Variants in MUSK observed in about 807,000 individuals in gnomAD.
MUSK encodes muscle, skeletal receptor tyrosine-protein kinase.
MUSK carries 55 observed loss-of-function variants against 88.7 expected under a neutral mutation model. The ratio of observed to expected loss-of-function variants is 0.62; its 90% CI spans 0.50 to 0.78. The LOEUF (loss-of-function observed/expected upper bound fraction) is 0.78, where lower values mean the gene tolerates loss of function less well. Ranked by LOEUF, MUSK falls within the 30% of genes least tolerant of loss-of-function variation. The pLI, the probability that MUSK is intolerant of heterozygous loss-of-function variation, is 0.00. For missense variants in MUSK, 1,015 were observed against 1,074.3 expected, an observed-to-expected ratio of 0.94 and a Z score of 0.77; for synonymous variants, 387 against 391.9, an observed-to-expected ratio of 0.99 and a Z score of 0.15.
intron 6 of MUSK, among the ~76,000 whole-genome samples, chr9:110,746,509 T>C (rs1440551262): frequency 6.6e-6 from 1 of 152,188 alleles, no homozygotes; most frequent in Non-Finnish European, 1.5e-5. Context: ...ATGCAAATTC[T>C]AACTATGCAA....
rs760483928 is a variant in MUSK at position 110,695,405 on chromosome 9, C to T, written c.361C>T (p.Pro121Ser). The T allele has an allele frequency of 2.5e-5, 38 of 1,496,490 alleles. No homozygotes were observed. Among genetic ancestry groups the T allele is most frequent in the Non-Finnish European group, 3.2e-5 (35 of 1,107,236 alleles). The allele number at this position is 1,496,490 out of a possible 1,614,324, so 92.7% of individuals were successfully genotyped here. A position where few individuals can be genotyped will look rare whatever the true frequency, so the allele number is the denominator to read the frequency against. ...TTTGAATTTTCATTTCTTTTTAGAACCTAAAATAACTCGTCCTCCCATAAA... is the reference window on the plus strand; with the variant it reads ...TTTGAATTTTCATTTCTTTTTAGAATCTAAAATAACTCGTCCTCCCATAAA... ...SCGALQVKMKPKITRPPINVK... is the reference protein window; with the variant it reads ...SCGALQVKMKSKITRPPINVK... Residue 121 changes from proline (P) to serine (S), a missense_variant and splice_region_variant, in exon 4 of 15, where the codon CCT (proline) becomes TCT (serine). By Grantham distance (74) the Pro-to-Ser change is moderately conservative (BLOSUM62 -1). Coordinates refer to ENST00000374448, the MANE Select transcript of MUSK (RefSeq NM_005592.4).
intron 4 of MUSK, 22 bp from the exon 5 acceptor site, chr9:110,697,303 T>C (rs372148404): frequency 3.2e-5 from 52 of 1,612,286 alleles, no homozygotes; most frequent in Admixed American, 5.0e-5. Context: ...CATTTTTGAA[T>C]TCACGTCCCT....
At chr9:110,705,819 C>A (rs1033085648) in intron 5 of MUSK, among the ~76,000 whole-genome samples, 1 of 152,190 alleles carries the variant, frequency 6.6e-6, no homozygotes, top group Non-Finnish European at 1.5e-5. Flanking sequence ...AAAGGTTAAG[C>A]CCTGTCTCAG....
intron 7 of MUSK, chr9:110,761,803 T>C (rs1039946891): frequency 3.1e-6 from 1 of 325,772 alleles, no homozygotes. Context: ...CTCGATCTCC[T>C]GACCTCATGA....
At chr9:110,690,202 A>ATAAATATATATTTAAG (rs1564219398) in intron 3 of MUSK, among the ~76,000 whole-genome samples, 1 of 105,224 alleles carries the variant, frequency 9.5e-6, no homozygotes, top group Non-Finnish European at 1.7e-5. Flanking sequence ...ATATAAATAT[A>ATAAATATATATTTAAG]TATAAATATA....
chr9:110,742,283 G>A (rs1050942086), intron 6 of MUSK, among the ~76,000 whole-genome samples: 15 of 151,948 alleles, frequency 9.9e-5, no homozygotes, highest in South Asian at 2.1e-4. Flanking sequence ...TGAAAACCTC[G>A]TATCTACTAA....
intron 3 of MUSK, among the ~76,000 whole-genome samples, chr9:110,688,802 T>C (rs1247276621): frequency 2.6e-5 from 4 of 151,826 alleles, no homozygotes; most frequent in African/African-American, 9.7e-5. Context: ...TTTCATTCCA[T>C]TTTATGGCTC....
At chr9:110,771,690 A>C in intron 9 of MUSK, among the ~76,000 whole-genome samples, 1 of 152,232 alleles carries the variant, frequency 6.6e-6, no homozygotes, top group East Asian at 1.9e-4. Flanking sequence ...ATTATAAAGC[A>C]ATTAATTTGA....
chr9:110,767,875 A>G lies in MUSK; in HGVS notation c.976A>G (p.Asn326Asp). The G allele has an allele frequency of 6.2e-7, 1 of 1,614,008 alleles. No individual in the cohort carries two copies. The highest frequency in any genetic ancestry group is 8.5e-7 in the Non-Finnish European group (1 of 1,179,876). ...CGCCCAGTACAGAGGGGAGGTGTGT[A>G]ATGCAGTCCTGGCAAAAGATGCTCT... ...YCAQYRGEVC[N>D]AVLAKDALVF... is the part of the protein sequence containing the mutation. The change falls in exon 9 of 15, where the codon AAT becomes GAT. Residue 326 changes from asparagine (N) to aspartate (D), a missense_variant. Transcript: ENST00000374448.
intron 1 of MUSK, among the ~76,000 whole-genome samples, chr9:110,677,317 A>G (rs1344905901): frequency 6.6e-6 from 1 of 152,194 alleles, no homozygotes; most frequent in Non-Finnish European, 1.5e-5. Flanking sequence ...CACCACTGCA[A>G]TCTGGCTTCC....
chr9:110,683,986 T>C (rs967973482), intron 2 of MUSK, among the ~76,000 whole-genome samples: 12 of 152,132 alleles, frequency 7.9e-5, no homozygotes, highest in African/African-American at 2.9e-4. Context: ...TTTAACTTGA[T>C]GTGATCCCAT....
intron 5 of MUSK, among the ~76,000 whole-genome samples, chr9:110,701,319 A>G (rs2076497418): frequency 6.6e-6 from 1 of 152,322 alleles, no homozygotes; most frequent in African/African-American, 2.4e-5. Context: ...GCAGAAAGCT[A>G]AATTCAAAGG....
intron 7 of MUSK, among the ~76,000 whole-genome samples, chr9:110,749,479 A>G (rs1290916216): frequency 6.6e-6 from 1 of 152,232 alleles, no homozygotes; most frequent in Non-Finnish European, 1.5e-5. Context: ...GGAGGTGGAA[A>G]GTGGAAACAA....
chr9:110,719,992 G>C (rs1399293527), intron 5 of MUSK, among the ~76,000 whole-genome samples: 2 of 152,016 alleles, frequency 1.3e-5, no homozygotes, highest in Non-Finnish European at 2.9e-5. Context: ...CTGAATGATT[G>C]TTGGGTCAAC....
rs547138037 is a variant in MUSK, at chr9:110,690,821, T to C, written c.358+3553T>C. On this transcript the variant is annotated intron_variant, in intron 3 of 14. Coordinates refer to ENST00000374448, the MANE Select transcript of MUSK (RefSeq NM_005592.4). ...ATATATATATTTAAATATAAGTATA[T>C]ATATAAATATATATAAATATAAGTA... Among the ~76,000 whole-genome samples, 68 of 124,230 alleles carry C rather than the reference T, an allele frequency of 5.5e-4. 2 individuals carry two copies. In the South Asian group the frequency reaches 0.012, roughly 22 times the overall value. 81.5% of individuals were successfully genotyped at this position (124,230 alleles called of 152,430 possible).
chr9:110,681,022 T>TAA (rs2076105633), intron 1 of MUSK, among the ~76,000 whole-genome samples: 5 of 20,634 alleles, frequency 2.4e-4, no homozygotes, highest in African/African-American at 4.2e-4. Flanking sequence ...ATAATATATA[T>TAA]TATATATTAT....
chr9:110,695,676 A>G (rs1349071986), intron 4 of MUSK, 146 bp downstream of exon 4: 1 of 684,410 alleles, frequency 1.5e-6, no homozygotes, highest in East Asian at 3.2e-5. Flanking sequence ...TTCTGTTTGC[A>G]TATATGCAAA....
At chr9:110,720,976 A>C (rs1208936658) in intron 5 of MUSK, among the ~76,000 whole-genome samples, 1 of 152,156 alleles carries the variant, frequency 6.6e-6, no homozygotes, top group African/African-American at 2.4e-5. Context: ...CATAAACAGA[A>C]TCAAAAACAA....
intron 9 of MUSK, among the ~76,000 whole-genome samples, chr9:110,770,924 G>T (rs1023429443): frequency 2.0e-5 from 3 of 151,700 alleles, no homozygotes; most frequent in African/African-American, 4.8e-5. Flanking sequence ...TTTAGAATTT[G>T]TACATTTTAG....
Sources: allele counts gnomAD v4.1 joint callset (sites outside exome capture counted in the v4.1 genomes callset), GRCh38; gene constraint gnomAD v4.1.1; transcripts MANE v1.5; gene names NCBI Gene and HGNC (gene_info 2026-07-23, HGNC 2026-07-21).